Variants in KCNH7 observed in about 807,000 individuals in gnomAD.
The protein encoded by KCNH7 is voltage-gated inwardly rectifying potassium channel KCNH7.
In KCNH7, 49 loss-of-function variants were observed where a neutral mutation model predicts 120.8. The observed-to-expected ratio is 0.41, with a 90% CI of 0.32 to 0.51. The LOEUF (loss-of-function observed/expected upper bound fraction) is 0.51. Ranked by LOEUF, KCNH7 falls within the 20% of genes least tolerant of loss-of-function variation. KCNH7 has a pLI of 0.38. For missense variants in KCNH7, 1,097 were observed against 1,446.6 expected, an observed-to-expected ratio of 0.76 and a Z score of 3.92; for synonymous variants, 547 against 516.1, an observed-to-expected ratio of 1.06 and a Z score of -0.81.
At chr2:162,682,848 C>G (rs528524271) in intron 2 of KCNH7, among the ~76,000 whole-genome samples, 1 of 151,760 alleles carries the variant, frequency 6.6e-6, no homozygotes, top group East Asian at 1.9e-4. Flanking sequence ...CCATGGAGAA[C>G]CATAATTTCC....
At chr2:162,583,167 A>T (rs1363862382) in intron 2 of KCNH7, among the ~76,000 whole-genome samples, 4 of 152,064 alleles carry the variant, frequency 2.6e-5, no homozygotes, top group Admixed American at 2.6e-4. Flanking sequence ...ATTGGTTATG[A>T]TATATTTAGG....
chr2:162,505,951 C>G (rs1467926144), intron 5 of KCNH7, among the ~76,000 whole-genome samples: 4 of 151,832 alleles, frequency 2.6e-5, no homozygotes, highest in African/African-American at 7.2e-5. Context: ...GAAATCAATG[C>G]TCATCATTTT....
intron 2 of KCNH7, among the ~76,000 whole-genome samples, chr2:162,608,093 T>C (rs144378571): frequency 5.9e-4 from 90 of 152,308 alleles, no homozygotes; most frequent in African/African-American, 2.1e-3. Context: ...CGGGTGTACT[T>C]GGACTTTGTA....
At chr2:162,836,945 G>C (rs532135307) in intron 1 of KCNH7, among the ~76,000 whole-genome samples, 178 bp from the exon 2 acceptor site, 1 of 152,206 alleles carries the variant, frequency 6.6e-6, no homozygotes, top group East Asian at 1.9e-4. Flanking sequence ...TTAAATGTGA[G>C]ATTAATGATC....
chr2:162,574,308 C>T (rs77168239), intron 2 of KCNH7, among the ~76,000 whole-genome samples: 1 of 151,764 alleles, frequency 6.6e-6, no homozygotes, highest in Non-Finnish European at 1.5e-5. Context: ...TTCAAGTTGA[C>T]AGACAAGCCT....
intron 2 of KCNH7, among the ~76,000 whole-genome samples, chr2:162,633,224 C>T (rs1683830072): frequency 6.6e-6 from 1 of 151,642 alleles, no homozygotes; most frequent in Non-Finnish European, 1.5e-5. Flanking sequence ...CTTGTTAAAC[C>T]TGTAAGGTAT....
chr2:162,420,136 G>A (rs1011446277), intron 9 of KCNH7, among the ~76,000 whole-genome samples: 6 of 152,116 alleles, frequency 3.9e-5, no homozygotes, highest in Admixed American at 3.9e-4. Context: ...CAGCACTTTG[G>A]GAGGCCAAGG....
chr2:162,409,768 G>A (rs1687331095), intron 9 of KCNH7, among the ~76,000 whole-genome samples: 1 of 151,922 alleles, frequency 6.6e-6, no homozygotes, highest in African/African-American at 2.4e-5. Context: ...AAAATCAGTA[G>A]CATTTCTATA....
intron 2 of KCNH7, among the ~76,000 whole-genome samples, chr2:162,636,757 A>G (rs1574202109): frequency 6.6e-6 from 1 of 152,090 alleles, no homozygotes; most frequent in East Asian, 1.9e-4. Flanking sequence ...TAACCTATAA[A>G]TCCCTTCAGG....
chr2:162,786,851 C>A (rs576604535), intron 2 of KCNH7, among the ~76,000 whole-genome samples: 74 of 152,300 alleles, frequency 4.9e-4, no homozygotes, highest in African/African-American at 1.8e-3. Flanking sequence ...ACCATCCGCA[C>A]CAGAAAATAC....
intron 2 of KCNH7, among the ~76,000 whole-genome samples, chr2:162,677,117 A>T (rs543918417): frequency 6.6e-6 from 1 of 151,654 alleles, no homozygotes; most frequent in South Asian, 2.1e-4. Flanking sequence ...ATCACAGCAA[A>T]TCCATAGTGC....
At chr2:162,712,098 C>T (rs562347155) in intron 2 of KCNH7, among the ~76,000 whole-genome samples, 2 of 152,248 alleles carry the variant, frequency 1.3e-5, no homozygotes, top group African/African-American at 4.8e-5. Context: ...ACTCTTTACA[C>T]GGCACTTAAA....
chr2:162,705,511 C>T (rs1487718256), intron 2 of KCNH7, among the ~76,000 whole-genome samples: 1 of 152,044 alleles, frequency 6.6e-6, no homozygotes, highest in African/African-American at 2.4e-5. Flanking sequence ...CCTTATTTCT[C>T]ATTTGTTAGT....
intron 2 of KCNH7, among the ~76,000 whole-genome samples, chr2:162,788,830 G>A (rs1056140300): frequency 6.6e-6 from 1 of 151,722 alleles, no homozygotes; most frequent in South Asian, 2.1e-4. Flanking sequence ...ACATATTACA[G>A]TCAAATTCTC....
In KCNH7 at chr2:162,446,075, A is replaced by T. The variant is rs929247660; in HGVS notation, c.1497T>A (p.Ile499=). Residue 499 remains isoleucine (I), a synonymous_variant, in exon 7 of 16, where the codon ATT becomes ATA. Coordinates refer to ENST00000332142, the MANE Select transcript of KCNH7 (RefSeq NM_033272.4). ...CAAAAGGAATTGCTGCAACCATGTC[A>T]ATCAGGAACCAGCCTTTGAAGTAGT... ...AIHYFKGWFL[I]DMVAAIPFDL... 1.2e-6 allele frequency: 2 copies of T among 1,613,788 alleles called. No individual in the cohort carries two copies. Among genetic ancestry groups the T allele is most frequent in the Admixed American group, 1.7e-5 (1 of 59,966 alleles).
At chr2:162,444,118 A>T (rs1368637610) in intron 7 of KCNH7, among the ~76,000 whole-genome samples, 1 of 152,098 alleles carries the variant, frequency 6.6e-6, no homozygotes, top group Admixed American at 6.6e-5. Flanking sequence ...CTATCATCAC[A>T]GCATTTACTC....
chr2:162,423,653 ATCACGGGG>A, intron 8 of KCNH7, 118 bp from the exon 9 acceptor site: 1 of 873,104 alleles, frequency 1.1e-6, no homozygotes, highest in Admixed American at 2.8e-5. Flanking sequence ...TTACCATTGG[ATCACGGGG>A]AAAAAAAGAA....
intron 2 of KCNH7, among the ~76,000 whole-genome samples, chr2:162,629,350 C>T (rs931618969): frequency 6.6e-6 from 1 of 152,112 alleles, no homozygotes; most frequent in African/African-American, 2.4e-5. Context: ...TTTCTTCCCC[C>T]ACCATCGCTG....
chr2:162,481,639 T>C (rs1689932478), intron 6 of KCNH7, among the ~76,000 whole-genome samples: 1 of 152,184 alleles, frequency 6.6e-6, no homozygotes, highest in African/African-American at 2.4e-5. Flanking sequence ...AATTAACTTT[T>C]ATGTATCTTA....
Sources: gnomAD v4.1 joint callset for allele counts (sites outside exome capture counted in the v4.1 genomes callset) on GRCh38, gnomAD v4.1.1 for gene constraint, MANE v1.5 for transcripts, NCBI Gene and HGNC (gene_info 2026-07-23, HGNC 2026-07-21) for gene names.